Variants in PRELID2 observed in about 807,000 individuals in gnomAD.
PRELID2 encodes PRELI domain-containing protein 2.
A neutral mutation model predicts 28.4 loss-of-function variants in PRELID2; 25 were observed. The ratio of observed to expected loss-of-function variants is 0.88; its 90% CI spans 0.64 to 1.23. The LOEUF (loss-of-function observed/expected upper bound fraction) is 1.23. Among genes scored for constraint, PRELID2 ranks in the 50% most tolerant of loss-of-function variants. The pLI, the probability that PRELID2 is intolerant of heterozygous loss-of-function variation, is 0.00. For missense variants in PRELID2, 201 were observed against 214.4 expected, an observed-to-expected ratio of 0.94 and a Z score of 0.39; for synonymous variants, 76 against 71.6, an observed-to-expected ratio of 1.06 and a Z score of -0.31.
At chr5:145,612,648 A>G (rs1180760747) in intron 1 of PRELID2, among the ~76,000 whole-genome samples, 2 of 151,976 alleles carry the variant, frequency 1.3e-5, no homozygotes, top group East Asian at 1.9e-4. Flanking sequence ...AGTCCATTGC[A>G]TCATTCTTAT....
intron 4 of PRELID2, among the ~76,000 whole-genome samples, chr5:145,810,142 T>C (rs1753828095): frequency 6.6e-6 from 1 of 152,214 alleles, no homozygotes; most frequent in South Asian, 2.1e-4. Context: ...GTCTCCATTT[T>C]CCAAAGTAAA....
At chr5:145,767,409 C>A (rs544321486) in intron 5 of PRELID2, among the ~76,000 whole-genome samples, 1 of 152,158 alleles carries the variant, frequency 6.6e-6, no homozygotes, top group Non-Finnish European at 1.5e-5. Context: ...TCAATTCGTT[C>A]ACGCCACCTG....
intron 1 of PRELID2, among the ~76,000 whole-genome samples, chr5:145,704,673 A>G (rs1348682862): frequency 6.6e-6 from 1 of 152,192 alleles, no homozygotes; most frequent in African/African-American, 2.4e-5. Flanking sequence ...TTTCCGCAGG[A>G]GCCATTTTTG....
intron 1 of PRELID2, among the ~76,000 whole-genome samples, chr5:145,483,266 G>A (rs1752179045): frequency 6.6e-6 from 1 of 152,136 alleles, no homozygotes; most frequent in African/African-American, 2.4e-5. Flanking sequence ...AGTAGAATTA[G>A]ACAAAAGTGA....
At chr5:145,302,265 G>T in the PRELID2 span, among the ~76,000 whole-genome samples, 1 of 151,682 alleles carries the variant, frequency 6.6e-6, no homozygotes, top group Non-Finnish European at 1.5e-5. Context: ...GGGTTCAAGC[G>T]ATTCTCTTGC....
chr5:145,524,681 G>A (rs1752592634), intron 1 of PRELID2, among the ~76,000 whole-genome samples: 1 of 152,164 alleles, frequency 6.6e-6, no homozygotes. Context: ...AATGGAAAGT[G>A]CATAAACCCA....
the PRELID2 span, among the ~76,000 whole-genome samples, chr5:145,406,688 A>G: frequency 6.6e-6 from 1 of 152,324 alleles, no homozygotes; most frequent in South Asian, 2.1e-4. Context: ...AAAAGAATTC[A>G]CAGATCCTTT....
intron 1 of PRELID2, among the ~76,000 whole-genome samples, chr5:145,722,463 C>T (rs73302097): frequency 0.027 from 4,132 of 151,374 alleles, 190 homozygotes; most frequent in African/African-American, 0.094. Context: ...CCACACCTAG[C>T]TAATTTTTGT....
chr5:145,229,297 G>C, the PRELID2 span: 2 of 749,568 alleles, frequency 2.7e-6, no homozygotes, highest in South Asian at 2.7e-5. Flanking sequence ...GCAGTGACCT[G>C]ATGGAATATG....
At chr5:145,597,104 CA>C (rs2149635131) in intron 1 of PRELID2, among the ~76,000 whole-genome samples, 1 of 152,138 alleles carries the variant, frequency 6.6e-6, no homozygotes, top group East Asian at 1.9e-4. Flanking sequence ...ATTACAAGCT[CA>C]AATATTGATA....
intron 1 of PRELID2, among the ~76,000 whole-genome samples, chr5:145,537,043 G>A (rs1752705639): frequency 6.6e-6 from 1 of 151,788 alleles, no homozygotes; most frequent in Admixed American, 6.6e-5. Flanking sequence ...ACAAAGAGAA[G>A]TTTAAAAATT....
chr5:145,528,457 G>C (rs891239134), intron 1 of PRELID2, among the ~76,000 whole-genome samples: 6 of 152,096 alleles, frequency 3.9e-5, no homozygotes, highest in African/African-American at 1.4e-4. Context: ...ACCCAACAGA[G>C]AGCAGGTTTC....
the PRELID2 span, among the ~76,000 whole-genome samples, chr5:145,422,308 G>A: frequency 6.9e-6 from 1 of 144,770 alleles, no homozygotes; most frequent in Non-Finnish European, 1.6e-5. Context: ...CTGTCTCGTT[G>A]ATGTGTCTAA....
intron 1 of PRELID2, among the ~76,000 whole-genome samples, chr5:145,827,374 G>A (rs58231022): frequency 0.042 from 6,328 of 152,164 alleles, 434 homozygotes; most frequent in African/African-American, 0.14. Flanking sequence ...AGGACAAAAC[G>A]TACTTAAGTT....
intron 1 of PRELID2, among the ~76,000 whole-genome samples, chr5:145,730,857 G>C (rs780360350): frequency 1.2e-3 from 178 of 151,510 alleles, no homozygotes; most frequent in African/African-American, 4.1e-3. Flanking sequence ...TGCCAGTCTC[G>C]AGATGACATC....
At chr5:145,738,623 A>T (rs1756563534) in intron 1 of PRELID2, among the ~76,000 whole-genome samples, 1 of 152,180 alleles carries the variant, frequency 6.6e-6, no homozygotes, top group Non-Finnish European at 1.5e-5. Flanking sequence ...AATAGAAATT[A>T]CTCAATCTAA....
At chr5:145,316,800 A>C in the PRELID2 span, among the ~76,000 whole-genome samples, 13 of 152,328 alleles carry the variant, frequency 8.5e-5, no homozygotes, top group East Asian at 2.3e-3. Context: ...TTTCATATAA[A>C]CAGAGTTCTG....
intron 1 of PRELID2, among the ~76,000 whole-genome samples, chr5:145,652,574 G>A (rs916115359): frequency 3.9e-5 from 6 of 152,246 alleles, no homozygotes; most frequent in African/African-American, 1.4e-4. Context: ...CTACAAGACA[G>A]AAGAGAGTGG....
At chr5:145,649,393 G>A (rs1754249710) in intron 1 of PRELID2, among the ~76,000 whole-genome samples, 1 of 152,146 alleles carries the variant, frequency 6.6e-6, no homozygotes, top group East Asian at 1.9e-4. Flanking sequence ...TAGGCTCTGT[G>A]TTAGATAATT....
Sources: gnomAD v4.1 joint callset for allele counts (sites outside exome capture counted in the v4.1 genomes callset) on GRCh38, gnomAD v4.1.1 for gene constraint, MANE v1.5 for transcripts, NCBI Gene and HGNC (gene_info 2026-07-23, HGNC 2026-07-21) for gene names.